The following MLIP variants were observed in gnomAD, a reference collection of about 807,000 sequenced individuals.
The protein encoded by MLIP is muscular LMNA-interacting protein.
In MLIP, 79 loss-of-function variants were observed where a neutral mutation model predicts 84.8. The ratio of observed to expected loss-of-function variants is 0.93; its 90% confidence interval spans 0.78 to 1.12. MLIP has a LOEUF of 1.12. Among genes scored for constraint, MLIP ranks in the 50% most tolerant of loss-of-function variants. The pLI, the probability that MLIP is intolerant of heterozygous loss-of-function variation, is 0.00. For missense variants in MLIP, 1,257 were observed against 1,160.6 expected (o/e 1.08, Z -1.21); for synonymous variants, 504 against 463.0 (o/e 1.09, Z -1.14).
intron 12 of MLIP, among the ~76,000 whole-genome samples, chr6:54,241,641 A>G (rs980056304): frequency 6.6e-6 from 1 of 152,192 alleles, no homozygotes; most frequent in African/African-American, 2.4e-5. Context: ...TTTAAATTAT[A>G]GCAATTATTT....
chr6:54,022,510 A>G (rs1296977657), intron 1 of MLIP, among the ~76,000 whole-genome samples: 2 of 152,212 alleles, frequency 1.3e-5, no homozygotes, highest in East Asian at 3.8e-4. Context: ...TATAACATGA[A>G]GTTACTTCTG....
intron 1 of MLIP, among the ~76,000 whole-genome samples, chr6:54,082,699 T>C (rs957514518): frequency 2.0e-5 from 3 of 152,202 alleles, no homozygotes; most frequent in Non-Finnish European, 4.4e-5. Flanking sequence ...TAGAAAATCA[T>C]ATTTCATTAT....
chr6:54,177,492 G>A (rs1404877421), intron 9 of MLIP, among the ~76,000 whole-genome samples: 2 of 152,144 alleles, frequency 1.3e-5, no homozygotes, highest in Admixed American at 6.5e-5. Flanking sequence ...ACCGCAATGA[G>A]ATACCATCTC....
At chr6:54,244,692 C>T (rs1354429891) in intron 12 of MLIP, among the ~76,000 whole-genome samples, 1 of 152,160 alleles carries the variant, frequency 6.6e-6, no homozygotes, top group Non-Finnish European at 1.5e-5. Context: ...ATCTAATTAC[C>T]AGTCTTAAAG....
chr6:54,101,345 G>C (rs900892100), intron 1 of MLIP, among the ~76,000 whole-genome samples: 2 of 152,142 alleles, frequency 1.3e-5, no homozygotes. Flanking sequence ...ACCCTAAAAA[G>C]AAAGAGAGAA....
At chr6:54,217,454 A>C in intron 11 of MLIP, 1 of 985,390 alleles carries the variant, frequency 1.0e-6, no homozygotes, top group East Asian at 1.1e-4. Flanking sequence ...AGATATGGCT[A>C]TAACACTAAT....
chr6:54,130,391 G>A (rs1453430533), intron 3 of MLIP, among the ~76,000 whole-genome samples: 1 of 152,126 alleles, frequency 6.6e-6, no homozygotes, highest in Admixed American at 6.6e-5. Flanking sequence ...AGAGGTCAGA[G>A]GCAATGTTCT....
At position 54,137,868 on chromosome 6, in the gene MLIP, A is replaced by G; in HGVS notation, c.1799A>G (p.Gln600Arg). 1 of 1,536,088 alleles carries G rather than the reference A, an allele frequency of 6.5e-7. No homozygotes were observed. Among genetic ancestry groups the G allele is most frequent in the Non-Finnish European group, 8.7e-7 (1 of 1,146,904 alleles). The change falls in exon 4 of 14, where the codon CAA (glutamine) becomes CGA (arginine). Residue 600 changes from glutamine (Q) to arginine (R), a missense_variant. Gln to Arg is a conservative substitution (Grantham distance 43). Transcript: ENST00000502396. Reference sequence around the variant, plus strand: ...TCTTCTCTATCTCCTCCTATTAATCAAAGAGCTACGTTCTCTTCTTCAGAG... The same window carrying G: ...TCTTCTCTATCTCCTCCTATTAATCGAAGAGCTACGTTCTCTTCTTCAGAG... ...ALSSLSPPIN[Q>R]RATFSSSEKC... is the part of the protein sequence containing the mutation.
chr6:54,117,506 G>A (rs1330461964), intron 1 of MLIP, among the ~76,000 whole-genome samples: 1 of 151,554 alleles, frequency 6.6e-6, no homozygotes, highest in East Asian at 2.0e-4. Flanking sequence ...GAGCCACCGT[G>A]CCCGGCCCAC....
intron 1 of MLIP, among the ~76,000 whole-genome samples, chr6:54,095,885 G>A (rs1353375407): frequency 1.3e-5 from 2 of 152,052 alleles, no homozygotes; most frequent in Non-Finnish European, 1.5e-5. Flanking sequence ...GATTTTCCCC[G>A]AGAGCACGGT....
At chr6:54,198,615 A>G (rs2150704005) in intron 10 of MLIP, among the ~76,000 whole-genome samples, 1 of 152,294 alleles carries the variant, frequency 6.6e-6, no homozygotes, top group Non-Finnish European at 1.5e-5. Context: ...GTCATTACCC[A>G]TTATTAAAGG....
chr6:54,158,734 G>T (rs1774304650), intron 5 of MLIP, among the ~76,000 whole-genome samples: 3 of 152,116 alleles, frequency 2.0e-5, no homozygotes, highest in Admixed American at 2.0e-4. Context: ...AATCCCCAAG[G>T]GTCAAATACT....
chr6:54,258,216 A>C (rs1475015110), intron 13 of MLIP, among the ~76,000 whole-genome samples: 1 of 152,118 alleles, frequency 6.6e-6, no homozygotes, highest in East Asian at 1.9e-4. Flanking sequence ...TTTAGGAAGA[A>C]ACAAGCATAA....
intron 12 of MLIP, among the ~76,000 whole-genome samples, chr6:54,251,922 T>A (rs866797906): frequency 1.2e-5 from 1 of 83,138 alleles, no homozygotes; most frequent in Non-Finnish European, 1.9e-5. Flanking sequence ...ATATATAATA[T>A]AAATATATAT....
At chr6:54,215,036 G>A (rs1779752764) in intron 11 of MLIP, 3 of 742,332 alleles carry the variant, frequency 4.0e-6, no homozygotes, top group East Asian at 2.9e-5. Flanking sequence ...ATTCTAGTAA[G>A]TTCTCAATAT....
intron 2 of MLIP, among the ~76,000 whole-genome samples, chr6:54,123,568 C>A (rs1261161975): frequency 1.3e-5 from 2 of 152,084 alleles, no homozygotes; most frequent in Non-Finnish European, 2.9e-5. Flanking sequence ...TTCATACATA[C>A]AATACATGCA....
chr6:54,162,164 C>G (rs1467285524), intron 8 of MLIP, among the ~76,000 whole-genome samples: 1 of 151,898 alleles, frequency 6.6e-6, no homozygotes. Context: ...GCTGAGTAAC[C>G]TAAGGTATAA....
intron 11 of MLIP, among the ~76,000 whole-genome samples, chr6:54,214,554 A>G (rs1358013454): frequency 6.6e-6 from 1 of 152,106 alleles, no homozygotes; most frequent in East Asian, 1.9e-4. Flanking sequence ...CAGTTCACAC[A>G]TTCTTACTCT....
At chr6:54,019,113 A>G (rs1405892868) in intron 1 of MLIP, 3 of 1,610,064 alleles carry the variant, frequency 1.9e-6, no homozygotes, top group Non-Finnish European at 2.5e-6. Context: ...GATTTAGCAC[A>G]CACAGATTTA....
Sources: allele counts gnomAD v4.1 joint callset (sites outside exome capture counted in the v4.1 genomes callset), GRCh38; gene constraint gnomAD v4.1.1; transcripts MANE v1.5; gene names NCBI Gene and HGNC (gene_info 2026-07-23, HGNC 2026-07-21).